The following SACS variants were observed in gnomAD, a reference collection of about 807,000 sequenced individuals.
SACS encodes the protein sacsin molecular chaperone, also known as sacsin.
A neutral mutation model predicts 348.0 loss-of-function variants in SACS; 197 were observed. That is an observed-to-expected ratio of 0.57 (90% CI 0.50 to 0.64). SACS has a LOEUF of 0.64. Among genes scored for constraint, SACS ranks in the 30% least tolerant of loss-of-function variants. SACS has a pLI of 0.00. For synonymous variants in SACS, 1,985 were observed against 1,910.6 expected, an observed-to-expected ratio of 1.04 and a Z score of -1.02; for missense variants, 4,999 against 5,360.8, an observed-to-expected ratio of 0.93 and a Z score of 2.11.
chr13:23,370,902 G>C (rs1871345756), intron 4 of SACS, among the ~76,000 whole-genome samples, 176 bp downstream of exon 4: 1 of 152,184 alleles, frequency 6.6e-6, no homozygotes, highest in Admixed American at 6.5e-5. Flanking sequence ...TGAGACACGA[G>C]AATCACTTGA....
intron 9 of SACS, among the ~76,000 whole-genome samples, chr13:23,350,501 T>C (rs1321536892): frequency 3.9e-5 from 6 of 152,202 alleles, no homozygotes; most frequent in Admixed American, 6.5e-5. Context: ...AAAGGTACAA[T>C]TATTAAATAA....
chr13:23,358,486 G>T lies in SACS; in HGVS notation c.458-5C>A. 1.2e-6 allele frequency: 2 copies of T among 1,614,080 alleles called. No homozygotes were observed. The highest frequency in any genetic ancestry group is 1.7e-6 in the Non-Finnish European group (2 of 1,180,010). On this transcript the variant is annotated splice_region_variant and splice_polypyrimidine_tract_variant and intron_variant, in intron 6 of 9. Coordinates refer to ENST00000382292, the MANE Select transcript of SACS (RefSeq NM_014363.6). ...TGTACACATAGAGAGCTGGCCCTAG[G>T]TGTGAAAATGCGCAGGCAGGAATTC... is the stretch of plus-strand genomic sequence containing the variant.
chr13:23,344,622 T>C lies in SACS; in HGVS notation c.2186-2932A>G, dbSNP rs114703403. On this transcript the variant is annotated intron_variant, in intron 9 of 9. Coordinates refer to ENST00000382292, the MANE Select transcript of SACS (RefSeq NM_014363.6). ...CTCCATGTCCTGGGTTAGAAAGCCA[T>C]AGAAATTGTAAAGCACCTCTAATAG... Among the ~76,000 whole-genome samples the C allele has an allele frequency of 5.5e-3, 841 of 152,348 alleles. 7 individuals are homozygous for C. Among genetic ancestry groups the C allele is most frequent in the African/African-American group, 0.019 (810 of 41,578 alleles).
chr13:23,358,517 A>C, intron 6 of SACS, 36 bp from the exon 7 acceptor site: 1 of 1,611,752 alleles, frequency 6.2e-7, no homozygotes, highest in South Asian at 1.1e-5. Context: ...AATTCAAAAA[A>C]GATACCAGGG....
chr13:23,331,858 C>A lies in SACS; in HGVS notation c.12018G>T (p.Leu4006Phe). The stretch of plus-strand genomic sequence containing the variant: ...GTCCTGTAATGAACTGTTCAGAAGA[C>A]AAGAGTAACTGCAATCTTCCTTGAA... ...CSLQGRLQLL[L>F]SSEQFITGLI... The change falls in exon 10 of 10, where the codon TTG becomes TTT. Residue 4006 changes from leucine to phenylalanine, a missense_variant. By Grantham distance (22) the Leu-to-Phe change is conservative. Coordinates refer to ENST00000382292, the MANE Select transcript of SACS (RefSeq NM_014363.6). 1 of 1,614,004 alleles carries A rather than the reference C, an allele frequency of 6.2e-7. No homozygotes were observed. Among genetic ancestry groups the A allele is most frequent in the Non-Finnish European group, 8.5e-7 (1 of 1,179,930 alleles).
At chr13:23,371,224 C>A in intron 3 of SACS, 59 bp from the exon 4 acceptor site, 2 of 1,014,632 alleles carry the variant, frequency 2.0e-6, no homozygotes, top group South Asian at 4.2e-5. Context: ...ACTGTAAATT[C>A]AAGACATTAT....
Position 23,340,226 on chromosome 13 carries a change from G to A in SACS, c.3650C>T (p.Thr1217Ile). 6.2e-7 allele frequency: 1 copy of A among 1,610,386 alleles called. No individual in the cohort carries two copies. The highest frequency in any genetic ancestry group is 8.5e-7 in the Non-Finnish European group (1 of 1,177,876). ...TAAGACAGCACTAAGGCTAGGTTTT[G>A]TGAAGATCCCTAATGCTTTTTCCAG... Reference protein sequence around the residue: ...VNLEKALGIFTKPSLSAVLKH... With the variant: ...VNLEKALGIFIKPSLSAVLKH... Residue 1217 changes from threonine to isoleucine, a missense_variant, in exon 10 of 10, where the codon ACA becomes ATA. Thr to Ile is a moderately conservative substitution (Grantham distance 89). This residue lies in a region of SACS where 3,156 missense variants were observed against 3,380.1 expected (regional missense o/e 0.93). Coordinates refer to ENST00000382292, the MANE Select transcript of SACS (RefSeq NM_014363.6).
chr13:23,414,043 G>A (rs1291398297), intron 1 of SACS, among the ~76,000 whole-genome samples: 2 of 152,162 alleles, frequency 1.3e-5, no homozygotes, highest in South Asian at 2.1e-4. Context: ...AGTGGCTCAC[G>A]CCTGTAATCC....
At position 23,335,662 on chromosome 13, in the gene SACS, T is replaced by A; in HGVS notation, c.8214A>T (p.Leu2738=). Residue 2738 remains leucine (L), a synonymous_variant, in exon 10 of 10, where the codon CTA becomes CTT. Transcript: ENST00000382292. This position sits in a 1 kb window ranked among gnomAD's most constrained non-coding sequence, Gnocchi z 4.7. The part of the protein sequence containing the change: ...DKLRSDGAEL[L]MFLNHMEKIS... ...TTTTTTCCATGTGATTAAGAAACAT[T>A]AGAAGTTCTGCCCCATCTGAGCGCA... 6.2e-7 allele frequency: 1 copy of A among 1,614,054 alleles called. No individual in the cohort carries two copies.
rs1798063720 is a variant in SACS, at chr13:23,338,526, C to A, written c.5350G>T (p.Gly1784Cys). The A allele has an allele frequency of 6.2e-7, 1 of 1,614,030 alleles. No individual in the cohort carries two copies. The part of the protein sequence containing the change: ...IADLQSPLFR[G>C]PDDDPAALFE... ...AGAGCAGCTGGGTCATCATCTGGACCTCTAAAAAGTGGCGACTGTAAATCA... is the reference window on the plus strand; with the variant it reads ...AGAGCAGCTGGGTCATCATCTGGACATCTAAAAAGTGGCGACTGTAAATCA... The change falls in exon 10 of 10, where the codon GGT becomes TGT. Residue 1784 changes from glycine to cysteine, a missense_variant. Coordinates refer to ENST00000382292, the MANE Select transcript of SACS (RefSeq NM_014363.6).
chr13:23,391,649 T>G (rs1872530055), intron 2 of SACS, among the ~76,000 whole-genome samples: 1 of 152,168 alleles, frequency 6.6e-6, no homozygotes, highest in African/African-American at 2.4e-5. Flanking sequence ...AGCTACTACT[T>G]TCCCCAAGTT....
chr13:23,361,363 A>T (rs1025396708), intron 6 of SACS, among the ~76,000 whole-genome samples: 1 of 152,202 alleles, frequency 6.6e-6, no homozygotes, highest in African/African-American at 2.4e-5. Context: ...CCTTTGCTGT[A>T]ATCAACTCAG....
intron 2 of SACS, among the ~76,000 whole-genome samples, chr13:23,394,009 C>T (rs1872622585): frequency 6.6e-6 from 1 of 152,228 alleles, no homozygotes; most frequent in African/African-American, 2.4e-5. Flanking sequence ...ATCTGCCTGC[C>T]TCAGCCTCCC....
chr13:23,331,390 A>G lies in SACS; in HGVS notation c.12486T>C (p.Ala4162=). The change falls in exon 10 of 10, where the codon GCT becomes GCC. Residue 4162 remains alanine (A), a synonymous_variant. Transcript: ENST00000382292. The part of the protein sequence containing the change: ...ELPMPGTPIP[A]EIHYTLLMDP... ...CCATAAGCAGAGTGTAATGAATTTC[A>G]GCAGGAATTGGTGTGCCAGGCATTG... The G allele has an allele frequency of 6.2e-7, 1 of 1,614,088 alleles. No homozygotes were observed. The highest frequency in any genetic ancestry group is 1.3e-5 in the African/African-American group (1 of 75,046).
At chr13:23,425,307 C>T (rs948282721) in intron 1 of SACS, among the ~76,000 whole-genome samples, 1 of 151,656 alleles carries the variant, frequency 6.6e-6, no homozygotes, top group Non-Finnish European at 1.5e-5. Flanking sequence ...CTGAATGTAC[C>T]TGGGACCTTG....
intron 1 of SACS, among the ~76,000 whole-genome samples, chr13:23,421,291 G>A (rs1311897694): frequency 2.6e-5 from 4 of 152,006 alleles, no homozygotes; most frequent in Non-Finnish European, 5.9e-5. Flanking sequence ...GGGGCCAGAT[G>A]TCCAGCTCTG....
chr13:23,368,630 T>A, intron 4 of SACS, 143 bp from the exon 5 acceptor site: 1 of 655,732 alleles, frequency 1.5e-6, no homozygotes, highest in Non-Finnish European at 2.8e-6. Flanking sequence ...TACAGAAATC[T>A]ACCTGACGAA....
At position 23,330,797 on chromosome 13, in the gene SACS, T is replaced by A. The variant is rs762575746; in HGVS notation, c.13079A>T (p.Asn4360Ile). The A allele has an allele frequency of 6.2e-7, 1 of 1,613,982 alleles. No homozygotes were observed. Among genetic ancestry groups the A allele is most frequent in the Non-Finnish European group, 8.5e-7 (1 of 1,180,004 alleles). The change falls in exon 10 of 10, where the codon AAC (asparagine) becomes ATC (isoleucine). Residue 4360 changes from asparagine (N) to isoleucine (I), a missense_variant. Around this residue, in one of 6 missense-constraint regions of SACS, gnomAD observed 254 missense variants for 275.1 expected, o/e 0.92. Coordinates refer to ENST00000382292, the MANE Select transcript of SACS (RefSeq NM_014363.6). Reference sequence around the variant, plus strand: ...TAGAAAAGCCTGTTTTTCTAATCTGTTGATTTCATTCTGCAAATGTTTAAA... The same window carrying A: ...TAGAAAAGCCTGTTTTTCTAATCTGATGATTTCATTCTGCAAATGTTTAAA... Reference protein sequence around the residue: ...EVFKHLQNEINRLEKQAFLDQ... With the variant: ...EVFKHLQNEIIRLEKQAFLDQ...
chr13:23,352,162 C>T (rs749682931), intron 9 of SACS, among the ~76,000 whole-genome samples: 29 of 152,178 alleles, frequency 1.9e-4, no homozygotes, highest in Non-Finnish European at 3.7e-4. Flanking sequence ...TAACTTTTGG[C>T]CGATTTCCAA....
Sources: allele counts gnomAD v4.1 joint callset (sites outside exome capture counted in the v4.1 genomes callset), GRCh38; gene constraint gnomAD v4.1.1; regional missense constraint gnomAD v4.1.1; non-coding constraint Gnocchi (gnomAD v3.1); transcripts MANE v1.5; gene names NCBI Gene and HGNC (gene_info 2026-07-23, HGNC 2026-07-21).